The following TAMM41 variants were observed in gnomAD, a reference collection of about 807,000 sequenced individuals.
TAMM41 encodes phosphatidate cytidylyltransferase, mitochondrial.
In TAMM41, 36 loss-of-function variants were observed where a neutral mutation model predicts 44.1. That is an observed-to-expected ratio of 0.82 (90% CI 0.63 to 1.08). The LOEUF is 1.08. Among genes scored for constraint, TAMM41 ranks in the 50% least tolerant of loss-of-function variants. The pLI is 0.00. For missense variants in TAMM41, 417 were observed against 404.3 expected (o/e 1.03, Z -0.27); for synonymous variants, 164 against 153.1 (o/e 1.07, Z -0.53).
At chr3:11,811,623 GAA>G (rs2078089060) in intron 5 of TAMM41, 1 of 152,212 alleles carries the variant, frequency 6.6e-6, no homozygotes, top group Non-Finnish European at 1.5e-5. Context: ...GCTAAACTGT[GAA>G]AGTCAAATTG....
At chr3:11,832,057 C>A (rs1177686784) in intron 3 of TAMM41, among the ~76,000 whole-genome samples, 1 of 152,150 alleles carries the variant, frequency 6.6e-6, no homozygotes, top group Non-Finnish European at 1.5e-5. Flanking sequence ...TTTTACTTGG[C>A]AAATTCAGCT....
At chr3:11,758,678 C>T in the TAMM41 span, among the ~76,000 whole-genome samples, 94 of 148,192 alleles carry the variant, frequency 6.3e-4, no homozygotes, top group African/African-American at 2.2e-3. Context: ...GTTTTTAATT[C>T]TGTTTTTGTT....
intron 6 of TAMM41, 145 bp downstream of exon 6, chr3:11,809,372 C>T: frequency 7.6e-6 from 7 of 923,440 alleles, no homozygotes; most frequent in Non-Finnish European, 1.1e-5. Flanking sequence ...TTAGAAAACC[C>T]TCAAATTTTT....
chr3:11,836,470 T>C (rs982024885), intron 3 of TAMM41, among the ~76,000 whole-genome samples: 1 of 152,164 alleles, frequency 6.6e-6, no homozygotes, highest in Non-Finnish European at 1.5e-5. Flanking sequence ...TATGTTTTTG[T>C]TTGTTTGTTT....
chr3:11,727,471 T>C, the TAMM41 span, among the ~76,000 whole-genome samples: 1 of 152,140 alleles, frequency 6.6e-6, no homozygotes, highest in Non-Finnish European at 1.5e-5. Context: ...GTTACTATTA[T>C]TATTATTATT....
chr3:11,776,757 C>T, the TAMM41 span, among the ~76,000 whole-genome samples: 2 of 152,198 alleles, frequency 1.3e-5, no homozygotes, highest in Admixed American at 6.5e-5. Flanking sequence ...TTCGACTTTA[C>T]GATGAATTGA....
chr3:11,778,206 G>A, the TAMM41 span, among the ~76,000 whole-genome samples: 5 of 151,792 alleles, frequency 3.3e-5, no homozygotes, highest in Non-Finnish European at 7.4e-5. Context: ...AGAATTTCTC[G>A]GTTATATGAG....
At chr3:11,845,993 A>C (rs2079666882) in intron 1 of TAMM41, among the ~76,000 whole-genome samples, 1 of 152,242 alleles carries the variant, frequency 6.6e-6, no homozygotes, top group Non-Finnish European at 1.5e-5. Flanking sequence ...TCCTGAAGTC[A>C]GAAGATCATT....
chr3:11,738,485 T>G, the TAMM41 span, among the ~76,000 whole-genome samples: 1 of 152,210 alleles, frequency 6.6e-6, no homozygotes, highest in Non-Finnish European at 1.5e-5. Context: ...AATTGGCTAA[T>G]GTTTTTGCCT....
chr3:11,766,291 G>C, the TAMM41 span, among the ~76,000 whole-genome samples: 1 of 151,862 alleles, frequency 6.6e-6, no homozygotes, highest in Non-Finnish European at 1.5e-5. Context: ...CAGACTCCCA[G>C]GTAGCTGGGG....
chr3:11,761,301 T>A, the TAMM41 span, among the ~76,000 whole-genome samples: 1 of 152,206 alleles, frequency 6.6e-6, no homozygotes, highest in Admixed American at 6.5e-5. Context: ...GACTTTGGGA[T>A]CTTGGTTTGC....
chr3:11,843,187 G>C (rs931252456), intron 2 of TAMM41, among the ~76,000 whole-genome samples: 2 of 152,160 alleles, frequency 1.3e-5, no homozygotes, highest in African/African-American at 4.8e-5. Context: ...CCTCCTTCTA[G>C]ATAAAATCAA....
the TAMM41 span, among the ~76,000 whole-genome samples, chr3:11,737,733 A>AGG: frequency 6.6e-6 from 1 of 152,202 alleles, no homozygotes; most frequent in Non-Finnish European, 1.5e-5. Flanking sequence ...ACACATTTGC[A>AGG]GGCAAAACAC....
chr3:11,807,295 T>C lies in TAMM41; in HGVS notation c.937+538A>G, dbSNP rs2077938642. On this transcript the variant is annotated intron_variant, in intron 7 of 7. Transcript: ENST00000455809. ...CAACTATATTAGGAGGACAGAGGGA[T>C]GGGAGGGTGCGTACATTTGATGAGG... 3.5e-6 allele frequency: 5 copies of C among 1,441,278 alleles called. No individual in the cohort carries two copies. In the South Asian group the frequency reaches 6.1e-5, roughly 17 times the overall value. 89.3% of individuals were successfully genotyped at this position (1,441,278 alleles called of 1,614,324 possible). A position where few individuals can be genotyped will look rare whatever the true frequency, so the allele number is the denominator to read the frequency against.
chr3:11,756,641 A>T, the TAMM41 span, among the ~76,000 whole-genome samples: 1 of 152,178 alleles, frequency 6.6e-6, no homozygotes, highest in South Asian at 2.1e-4. Context: ...CGAGGCGGGC[A>T]GATCACATGA....
chr3:11,824,762 AGAC>A (rs2078672729), intron 4 of TAMM41, among the ~76,000 whole-genome samples: 1 of 152,234 alleles, frequency 6.6e-6, no homozygotes, highest in Admixed American at 6.5e-5. Flanking sequence ...GAGCAAAACA[AGAC>A]AACAATTCCT....
In TAMM41 at chr3:11,839,247, T is replaced by C; in HGVS notation, c.386A>G (p.Tyr129Cys). The change falls in exon 3 of 8, where the codon TAC becomes TGC. Residue 129 changes from tyrosine to cysteine, a missense_variant. Coordinates refer to ENST00000455809, the MANE Select transcript of TAMM41 (RefSeq NM_001284401.2). Reference sequence around the variant, plus strand: ...CGGTTTTTGGAGTCGTCCAGCAATGTATAAGTTATTCCAGTTGAGGAGATC... The same window carrying C: ...CGGTTTTTGGAGTCGTCCAGCAATGCATAAGTTATTCCAGTTGAGGAGATC... ...IEDLLNWNNL[Y>C]IAGRLQKPVK... is the part of the protein sequence containing the mutation. 2 of 1,613,584 alleles carry C rather than the reference T, an allele frequency of 1.2e-6. No homozygotes were observed. The highest frequency in any genetic ancestry group is 1.7e-6 in the Non-Finnish European group (2 of 1,179,680).
chr3:11,778,574 T>C, the TAMM41 span, among the ~76,000 whole-genome samples: 1 of 152,242 alleles, frequency 6.6e-6, no homozygotes, highest in East Asian at 1.9e-4. Context: ...AGGGCTCCAC[T>C]GTCTTCATGT....
At chr3:11,731,877 A>AT in the TAMM41 span, among the ~76,000 whole-genome samples, 23,235 of 141,736 alleles carry the variant, frequency 0.16, 2,127 homozygotes, top group East Asian at 0.35. Flanking sequence ...TAATTAGGGC[A>AT]TTTTTTTTTT....
Sources: gnomAD v4.1 joint callset for allele counts (sites outside exome capture counted in the v4.1 genomes callset) on GRCh38, gnomAD v4.1.1 for gene constraint, MANE v1.5 for transcripts, NCBI Gene and HGNC (gene_info 2026-07-23, HGNC 2026-07-21) for gene names.